Variants in ME3 observed in about 807,000 individuals in gnomAD.
ME3 encodes the protein malic enzyme 3.
ME3 carries 48 observed loss-of-function variants against 68.9 expected under a neutral mutation model. That is an observed-to-expected ratio of 0.70 (90% CI 0.55 to 0.89). ME3 has a LOEUF of 0.89. Among genes scored for constraint, ME3 ranks in the 40% least tolerant of loss-of-function variants. The pLI, the probability that ME3 is intolerant of heterozygous loss-of-function variation, is 0.00. For missense variants in ME3, 675 were observed against 797.4 expected (o/e 0.85, Z 1.85); for synonymous variants, 320 against 318.8 (o/e 1.00, Z -0.04).
rs117077971 is a variant in ME3 at position 86,458,106 on chromosome 11, C to G, written c.919+6985G>C. Among the ~76,000 whole-genome samples, 1,180 of 152,326 alleles carry G rather than the reference C, an allele frequency of 7.7e-3. 5 individuals are homozygous for G. The highest frequency in any genetic ancestry group is 0.019 in the South Asian group (94 of 4,826). On this transcript the variant is annotated intron_variant, in intron 8 of 14. Coordinates refer to ENST00000543262, the Ensembl canonical transcript of ME3. ...GACAGAACAACCTCTGCTATGAGGC[C>G]ACACCTGCTTCCACGATCCATAAGA...
Position 86,460,188 on chromosome 11 carries a change from A to G in ME3, c.919+4903T>C, listed in dbSNP as rs565295907. Among the ~76,000 whole-genome samples the G allele has an allele frequency of 1.1e-4, 17 of 152,324 alleles. No homozygotes were observed. The East Asian group carries it at 3.1e-3, about 28-fold the overall frequency. On this transcript the variant is annotated intron_variant, in intron 8 of 14. Coordinates refer to ENST00000543262, the Ensembl canonical transcript of ME3. ...CAAAATTCCTGAGAGGCTGCCAGCA[A>G]TGAGTCAGTGCATTGGCAGCTCTGA...
chr11:86,462,398 G>A (rs529736042), intron 8 of ME3, among the ~76,000 whole-genome samples: 2 of 152,150 alleles, frequency 1.3e-5, no homozygotes, highest in Non-Finnish European at 2.9e-5. Context: ...TCAACAGTAG[G>A]CTATTAGTAG....
chr11:86,621,256 C>T (rs2135266138), intron 2 of ME3, among the ~76,000 whole-genome samples: 1 of 152,324 alleles, frequency 6.6e-6, no homozygotes. Context: ...AGAAAAGTCA[C>T]TATTTTCAAC....
intron 2 of ME3, among the ~76,000 whole-genome samples, chr11:86,563,712 TCCC>T (rs892068009): frequency 7.4e-4 from 112 of 152,278 alleles, no homozygotes; most frequent in Middle Eastern, 3.4e-3. Flanking sequence ...GAGATCCCTT[TCCC>T]CATTACTTGT....
intron 4 of ME3, among the ~76,000 whole-genome samples, chr11:86,515,347 G>T (rs577293701): frequency 6.6e-6 from 1 of 152,110 alleles, no homozygotes; most frequent in African/African-American, 2.4e-5. Context: ...TATCCAGAGG[G>T]CATCGCCATC....
intron 8 of ME3, among the ~76,000 whole-genome samples, chr11:86,459,980 C>T (rs954881042): frequency 5.9e-5 from 9 of 152,202 alleles, no homozygotes; most frequent in East Asian, 3.9e-4. Context: ...CAGGGACCCA[C>T]GGAAACTGGG....
At chr11:86,530,659 C>T (rs1210705654) in intron 4 of ME3, among the ~76,000 whole-genome samples, 1 of 152,128 alleles carries the variant, frequency 6.6e-6, no homozygotes, top group African/African-American at 2.4e-5. Flanking sequence ...AGATATAGAC[C>T]AATGGAACAG....
At chr11:86,561,861 A>G (rs755403335) in intron 2 of ME3, among the ~76,000 whole-genome samples, 1 of 152,166 alleles carries the variant, frequency 6.6e-6, no homozygotes, top group African/African-American at 2.4e-5. Flanking sequence ...TACATCTGTA[A>G]TACAATTAGA....
intron 4 of ME3, among the ~76,000 whole-genome samples, chr11:86,545,902 G>A (rs545067851): frequency 1.2e-4 from 18 of 152,294 alleles, no homozygotes; most frequent in African/African-American, 4.3e-4. Context: ...CATGCTACCT[G>A]ACTTCAAATT....
chr11:86,616,355 A>T (rs1942957217), intron 2 of ME3, among the ~76,000 whole-genome samples: 1 of 152,204 alleles, frequency 6.6e-6, no homozygotes, highest in Non-Finnish European at 1.5e-5. Flanking sequence ...TCTTCACCTG[A>T]AACATCACTT....
chr11:86,470,318 A>G (rs886832026), intron 7 of ME3, among the ~76,000 whole-genome samples: 2 of 151,924 alleles, frequency 1.3e-5, no homozygotes, highest in Non-Finnish European at 2.9e-5. Context: ...AAAAACCCAC[A>G]TGCAAGACTT....
chr11:86,442,113 G>C (rs1340571929), intron 14 of ME3, among the ~76,000 whole-genome samples: 2 of 152,166 alleles, frequency 1.3e-5, no homozygotes, highest in African/African-American at 4.8e-5. Context: ...ATAATAGTAT[G>C]ATAAACTGTC....
chr11:86,545,418 C>A (rs537547150), intron 4 of ME3, among the ~76,000 whole-genome samples: 1 of 152,086 alleles, frequency 6.6e-6, no homozygotes, highest in Non-Finnish European at 1.5e-5. Flanking sequence ...TTTAGAAAAC[C>A]CCATCATCTC....
chr11:86,644,915 C>A (rs560556988), intron 2 of ME3, among the ~76,000 whole-genome samples: 82 of 152,240 alleles, frequency 5.4e-4, no homozygotes, highest in African/African-American at 1.9e-3. Flanking sequence ...AGAGGGTGAA[C>A]AGAAGCAGGG....
At chr11:86,491,038 T>A (rs1467590520) in intron 6 of ME3, among the ~76,000 whole-genome samples, 1 of 152,174 alleles carries the variant, frequency 6.6e-6, no homozygotes, top group Non-Finnish European at 1.5e-5. Flanking sequence ...GCTTTCCTAA[T>A]AAAATGTTCT....
In ME3 at chr11:86,667,421, C is replaced by T. The variant is rs141506971; in HGVS notation, c.183+4341G>A. 3.5e-4 allele frequency among the ~76,000 whole-genome samples: 54 copies of T among 152,284 alleles called. No homozygotes were observed. In the East Asian group the frequency reaches 9.5e-3, roughly 27 times the overall value. Reference sequence around the variant, plus strand: ...GAGAGTCAAGCAGGTGCATTTCCTTCAAATGGGCCATATGTAGGCATTTAT... The same window carrying T: ...GAGAGTCAAGCAGGTGCATTTCCTTTAAATGGGCCATATGTAGGCATTTAT... On this transcript the variant is annotated intron_variant, in intron 2 of 14. Coordinates refer to ENST00000543262, the Ensembl canonical transcript of ME3.
At chr11:86,612,548 A>G (rs374681670) in intron 2 of ME3, among the ~76,000 whole-genome samples, 2 of 152,260 alleles carry the variant, frequency 1.3e-5, no homozygotes, top group Middle Eastern at 3.4e-3. Flanking sequence ...AAGTCTTCCT[A>G]TTTCTCCACA....
rs899933893 is a variant in ME3, at chr11:86,477,755, A to G, written c.809+9582T>C. On this transcript the variant is annotated intron_variant, in intron 7 of 14. Coordinates refer to ENST00000543262, the Ensembl canonical transcript of ME3. The stretch of plus-strand genomic sequence containing the variant: ...GCTGGACCTTAACTAGTGAACTGCA[A>G]ACTCACTCAATTATGCAGTCTGCTT... 5.3e-5 allele frequency among the ~76,000 whole-genome samples: 8 copies of G among 152,246 alleles called. No homozygotes were observed. The East Asian group carries it at 1.4e-3, about 26-fold the overall frequency.
chr11:86,609,560 T>C (rs1044629072), intron 2 of ME3, among the ~76,000 whole-genome samples: 1 of 152,186 alleles, frequency 6.6e-6, no homozygotes, highest in Non-Finnish European at 1.5e-5. Context: ...GAATCATAAG[T>C]GTGCATATAT....
Sources: allele counts gnomAD v4.1 joint callset (sites outside exome capture counted in the v4.1 genomes callset), GRCh38; gene constraint gnomAD v4.1.1; transcripts MANE v1.5; gene names NCBI Gene and HGNC (gene_info 2026-07-23, HGNC 2026-07-21).